Variants in DAB1 observed in about 807,000 individuals in gnomAD.
The protein encoded by DAB1 is DAB adaptor protein 1, also known as disabled homolog 1.
A neutral mutation model predicts 64.6 loss-of-function variants in DAB1; 15 were observed. The ratio of observed to expected loss-of-function variants is 0.23; its 90% confidence interval spans 0.16 to 0.36. The LOEUF is 0.36. Ranked by LOEUF, DAB1 falls within the 10% of genes least tolerant of loss-of-function variation. The probability of loss-of-function intolerance (pLI) is 1.00; values close to 1 mark genes in which losing one functional copy is unlikely to be tolerated. For missense variants in DAB1, 596 were observed against 706.7 expected, an observed-to-expected ratio of 0.84 and a Z score of 1.78; for synonymous variants, 235 against 251.9, an observed-to-expected ratio of 0.93 and a Z score of 0.64.
intron 3 of DAB1, among the ~76,000 whole-genome samples, chr1:58,406,245 G>A (rs965966989): frequency 5.9e-5 from 9 of 152,104 alleles, no homozygotes; most frequent in Non-Finnish European, 1.0e-4. Flanking sequence ...TGACCCTCAG[G>A]CCTGCAACAG....
At chr1:58,473,550 AAATAAATAAAT>A (rs1645387211) in intron 3 of DAB1, among the ~76,000 whole-genome samples, 1 of 108,190 alleles carries the variant, frequency 9.2e-6, no homozygotes, top group African/African-American at 5.7e-5. Flanking sequence ...TCAAAAAAAT[AAATAAATAAAT>A]AAATAAATAA....
chr1:57,982,507 G>T (rs1023040504), intron 5 of DAB1, among the ~76,000 whole-genome samples: 27 of 152,114 alleles, frequency 1.8e-4, no homozygotes, highest in Admixed American at 1.5e-3. Context: ...TGCCAAGCTG[G>T]TGTCAGGATG....
intron 4 of DAB1, among the ~76,000 whole-genome samples, chr1:58,188,065 T>A (rs537926164): frequency 2.0e-5 from 3 of 152,020 alleles, no homozygotes; most frequent in Admixed American, 6.6e-5. Flanking sequence ...CCTGCCACCA[T>A]GCCCAGTGAA....
At position 57,263,706 on chromosome 1, in the gene DAB1, G is replaced by T. The variant is rs1477096988; in HGVS notation, c.67+27258C>A. On this transcript the variant is annotated intron_variant, in intron 2 of 14. Coordinates refer to ENST00000371236, the MANE Select transcript of DAB1 (RefSeq NM_001365792.1). ...AAAAAGCTGCAATTCTTCAGGATTGGAGAGAATAGCAAAGGAATAGAGGCT... is the reference window on the plus strand; with the variant it reads ...AAAAAGCTGCAATTCTTCAGGATTGTAGAGAATAGCAAAGGAATAGAGGCT... Among the ~76,000 whole-genome samples the T allele has an allele frequency of 3.3e-5, 5 of 152,280 alleles. No homozygotes were observed. The East Asian group carries it at 7.7e-4, about 24-fold the overall frequency.
At chr1:58,340,098 C>T (rs989296474) in intron 4 of DAB1, among the ~76,000 whole-genome samples, 2 of 152,134 alleles carry the variant, frequency 1.3e-5, no homozygotes, top group Non-Finnish European at 2.9e-5. Flanking sequence ...GAGAGCTAAT[C>T]GGCAAAAGAA....
chr1:57,583,203 G>A (rs1645334359), intron 7 of DAB1, among the ~76,000 whole-genome samples: 2 of 151,992 alleles, frequency 1.3e-5, no homozygotes, highest in East Asian at 1.9e-4. Flanking sequence ...GGAGCCAAAA[G>A]CATCCTAAAG....
At chr1:58,127,279 G>A (rs1653174266) in intron 5 of DAB1, among the ~76,000 whole-genome samples, 1 of 152,152 alleles carries the variant, frequency 6.6e-6, no homozygotes, top group African/African-American at 2.4e-5. Flanking sequence ...GTCTGTTCAT[G>A]TTCCTCGCCC....
chr1:57,070,520 C>T (rs971309239), intron 7 of DAB1, among the ~76,000 whole-genome samples: 1 of 152,218 alleles, frequency 6.6e-6, no homozygotes, highest in East Asian at 1.9e-4. Context: ...CCCAACAGCT[C>T]CTATGGCATG....
chr1:57,432,912 G>A (rs1240241565), intron 7 of DAB1, among the ~76,000 whole-genome samples: 2 of 152,046 alleles, frequency 1.3e-5, no homozygotes, highest in Admixed American at 1.3e-4. Flanking sequence ...AATTCAGAGA[G>A]GTTAAATTAT....
intron 7 of DAB1, among the ~76,000 whole-genome samples, chr1:57,507,073 T>C (rs936017439): frequency 1.3e-5 from 2 of 152,200 alleles, no homozygotes; most frequent in African/African-American, 2.4e-5. Context: ...GCTCTAATCA[T>C]GTAGCCCCAC....
At chr1:57,946,086 C>G (rs999132587) in intron 5 of DAB1, among the ~76,000 whole-genome samples, 1 of 152,186 alleles carries the variant, frequency 6.6e-6, no homozygotes, top group Non-Finnish European at 1.5e-5. Context: ...GTGACAGATA[C>G]AGAACTGGGA....
At chr1:58,260,203 G>T (rs982289467) in intron 4 of DAB1, among the ~76,000 whole-genome samples, 3 of 152,126 alleles carry the variant, frequency 2.0e-5, no homozygotes, top group African/African-American at 7.2e-5. Flanking sequence ...TGTTGGGCTC[G>T]TATGTCCCCC....
chr1:57,528,249 A>G (rs556308820), intron 7 of DAB1, among the ~76,000 whole-genome samples: 2 of 152,218 alleles, frequency 1.3e-5, no homozygotes, highest in Admixed American at 6.5e-5. Context: ...AAATTATTGG[A>G]TGGGATTAAC....
intron 1 of DAB1, among the ~76,000 whole-genome samples, chr1:57,397,779 T>C (rs970093720): frequency 2.0e-5 from 3 of 152,222 alleles, no homozygotes; most frequent in African/African-American, 7.2e-5. Flanking sequence ...CTACTTCCCA[T>C]CTCCTTCATA....
chr1:58,256,463 A>G (rs544099724), intron 4 of DAB1, among the ~76,000 whole-genome samples: 127 of 152,330 alleles, frequency 8.3e-4, no homozygotes, highest in Non-Finnish European at 1.5e-3. Flanking sequence ...AGAGGGATGA[A>G]AGGTGGAAAA....
intron 7 of DAB1, among the ~76,000 whole-genome samples, chr1:57,619,355 G>T (rs1200008604): frequency 2.0e-5 from 3 of 152,138 alleles, no homozygotes; most frequent in Non-Finnish European, 2.9e-5. Flanking sequence ...AGCATGATTT[G>T]CCTTATCCTT....
chr1:57,337,168 T>C (rs946792308), intron 1 of DAB1, among the ~76,000 whole-genome samples: 1 of 152,190 alleles, frequency 6.6e-6, no homozygotes, highest in African/African-American at 2.4e-5. Context: ...CCATCCCCTT[T>C]CTCATGGACT....
intron 7 of DAB1, among the ~76,000 whole-genome samples, chr1:57,546,066 A>T (rs1046884628): frequency 6.8e-6 from 1 of 147,370 alleles, no homozygotes; most frequent in Non-Finnish European, 1.5e-5. Flanking sequence ...AGCAGAGGGG[A>T]GTGTGTGTGT....
intron 4 of DAB1, among the ~76,000 whole-genome samples, chr1:58,188,746 T>C (rs1657228638): frequency 6.6e-6 from 1 of 152,232 alleles, no homozygotes; most frequent in Non-Finnish European, 1.5e-5. Context: ...TGGTGGTGGT[T>C]ATGTATACCT....
Sources: gnomAD v4.1 joint callset for allele counts (sites outside exome capture counted in the v4.1 genomes callset) on GRCh38, gnomAD v4.1.1 for gene constraint, MANE v1.5 for transcripts, NCBI Gene and HGNC (gene_info 2026-07-23, HGNC 2026-07-21) for gene names.